The following PITPNM2 variants were observed in gnomAD, a reference collection of about 807,000 sequenced individuals.
The protein encoded by PITPNM2 is phosphatidylinositol transfer protein membrane associated 2.
Under a neutral mutation model 132.2 loss-of-function variants are expected in PITPNM2, and 35 were observed. The ratio of observed to expected loss-of-function variants is 0.26; its 90% CI spans 0.20 to 0.35. The LOEUF (loss-of-function observed/expected upper bound fraction) is 0.35. PITPNM2 is among the 10% of genes least tolerant of loss of function. The probability of loss-of-function intolerance (pLI) is 1.00; values close to 1 mark genes in which losing one functional copy is unlikely to be tolerated. For missense variants in PITPNM2, 1,332 were observed against 1,912.0 expected, an observed-to-expected ratio of 0.70 and a Z score of 5.66; for synonymous variants, 738 against 799.2, an observed-to-expected ratio of 0.92 and a Z score of 1.29.
At chr12:123,040,281 G>A (rs1183192632) in intron 2 of PITPNM2, among the ~76,000 whole-genome samples, 1 of 152,180 alleles carries the variant, frequency 6.6e-6, no homozygotes, top group African/African-American at 2.4e-5. Flanking sequence ...CTATTTGGGT[G>A]ATAAAAAAGC....
Position 122,987,881 on chromosome 12 carries a change from C to T in PITPNM2, c.3018G>A (p.Arg1006=). 2 of 1,612,906 alleles carry T rather than the reference C, an allele frequency of 1.2e-6. No individual in the cohort carries two copies. The highest frequency in any genetic ancestry group is 8.5e-7 in the Non-Finnish European group (1 of 1,179,430). ...VKLRNVTANH[R]INDALANEDG... Reference sequence around the variant, plus strand: ...CCTCATTGGCAAGGGCATCATTGATCCGGTGGTTGGCCGTCACGTTCTGTG... The same window carrying T: ...CCTCATTGGCAAGGGCATCATTGATTCGGTGGTTGGCCGTCACGTTCTGTG... The change falls in exon 21 of 26, where the codon CGG becomes CGA. Residue 1006 remains arginine, a synonymous_variant. Coordinates refer to ENST00000320201, the MANE Select transcript of PITPNM2 (RefSeq NM_020845.3).
In PITPNM2 at chr12:122,984,670, C is replaced by A. The variant is rs757659355; in HGVS notation, c.*1357G>T. 1 of 152,248 alleles carries A rather than the reference C, an allele frequency of 6.6e-6. No individual in the cohort carries two copies. Among genetic ancestry groups the A allele is most frequent in the Non-Finnish European group, 1.5e-5 (1 of 68,058 alleles). The allele number at this position is 152,248 out of a possible 1,614,324, so 9.4% of individuals were successfully genotyped here. ...GTGCACCTCCCCAGCCCGGTCCATGCGTCCCAACACCAGACCCAGGTCGGC... is the reference window on the plus strand; with the variant it reads ...GTGCACCTCCCCAGCCCGGTCCATGAGTCCCAACACCAGACCCAGGTCGGC... On this transcript the variant is annotated 3_prime_UTR_variant, in exon 26 of 26. Transcript: ENST00000320201.
At chr12:123,094,002 G>A (rs1169996422) in intron 2 of PITPNM2, among the ~76,000 whole-genome samples, 7 of 152,208 alleles carry the variant, frequency 4.6e-5, no homozygotes, top group South Asian at 2.1e-4. Context: ...GGCTGGGCTC[G>A]GAGGCTGCGG....
Position 123,000,243 on chromosome 12 carries a change from G to A in PITPNM2, c.1224+535C>T, listed in dbSNP as rs1056929127. On this transcript the variant is annotated intron_variant, in intron 10 of 25. Transcript: ENST00000320201. The surrounding 1 kb of genome is among the most constrained non-coding windows in gnomAD (Gnocchi z 5.4). Reference sequence around the variant, plus strand: ...CCAGTGCAAACAGCTCTGACGGCCCGCAGGTGGAGGAGGATGGGGCATGAA... The same window carrying A: ...CCAGTGCAAACAGCTCTGACGGCCCACAGGTGGAGGAGGATGGGGCATGAA... 28 of 602,870 alleles carry A rather than the reference G, an allele frequency of 4.6e-5. No homozygotes were observed. Among genetic ancestry groups the A allele is most frequent in the Non-Finnish European group, 7.7e-5 (26 of 338,876 alleles). 37.3% of individuals were successfully genotyped at this position (602,870 alleles called of 1,614,324 possible).
chr12:123,012,774 G>C, intron 4 of PITPNM2, 40 bp from the exon 5 acceptor site: 1 of 1,608,144 alleles, frequency 6.2e-7, no homozygotes, highest in Non-Finnish European at 8.5e-7. Flanking sequence ...CCTGTCCTTG[G>C]AGAGGCCCAG....
At chr12:122,996,012 C>A (rs919669391) in intron 13 of PITPNM2, among the ~76,000 whole-genome samples, 2 of 152,238 alleles carry the variant, frequency 1.3e-5, no homozygotes, top group African/African-American at 4.8e-5. Context: ...AGCAGCTGCT[C>A]CCCTGCCCCC....
At chr12:123,145,740 C>T (rs1223732817) in intron 1 of PITPNM2, among the ~76,000 whole-genome samples, 4 of 152,170 alleles carry the variant, frequency 2.6e-5, no homozygotes, top group South Asian at 2.1e-4. Context: ...GCCACAATGG[C>T]TCACACCTCA....
At chr12:123,047,291 AC>A (rs1233812935) in intron 2 of PITPNM2, among the ~76,000 whole-genome samples, 2 of 152,192 alleles carry the variant, frequency 1.3e-5, no homozygotes, top group Middle Eastern at 3.2e-3. Context: ...GGAAGTACAA[AC>A]CTTCTGGCTG....
chr12:123,019,638 C>G (rs1395084155), intron 3 of PITPNM2, among the ~76,000 whole-genome samples: 2 of 152,208 alleles, frequency 1.3e-5, no homozygotes, highest in African/African-American at 2.4e-5. Context: ...ATAGTTAAAG[C>G]TGAAATAACC....
intron 1 of PITPNM2, among the ~76,000 whole-genome samples, chr12:123,138,257 G>A (rs762400910): frequency 6.6e-6 from 1 of 151,876 alleles, no homozygotes; most frequent in African/African-American, 2.4e-5. Context: ...GACCAGCCTG[G>A]GCAACATGGC....
At chr12:123,070,821 C>T (rs1035809595) in intron 2 of PITPNM2, among the ~76,000 whole-genome samples, 10 of 152,236 alleles carry the variant, frequency 6.6e-5, no homozygotes, top group Non-Finnish European at 1.3e-4. Flanking sequence ...AAGGGCCCCA[C>T]ATCAACATGC....
intron 3 of PITPNM2, among the ~76,000 whole-genome samples, chr12:123,018,293 C>CTTTTTTT (rs3085478): frequency 2.5e-4 from 31 of 126,324 alleles, no homozygotes; most frequent in African/African-American, 9.0e-4. Context: ...TTTTTCTTTT[C>CTTTTTTT]TTTTTTTTTT....
Position 122,986,090 on chromosome 12 carries a change from G to T in PITPNM2, c.3987C>A (p.Ala1329=). ...CAGTCATGGCGCGGCCCCAGCAGCC[G>T]GCCGCCACACTCATGCTGCGCTGGC... ...QRGQRSMSVA[A]GCWGRAMTGR... The change falls in exon 26 of 26, where the codon GCC becomes GCA. Residue 1329 remains alanine (A), a synonymous_variant. Coordinates refer to ENST00000320201, the MANE Select transcript of PITPNM2 (RefSeq NM_020845.3). The T allele has an allele frequency of 6.9e-7, 1 of 1,443,208 alleles. No homozygotes were observed. Among genetic ancestry groups the T allele is most frequent in the East Asian group, 2.9e-5 (1 of 34,608 alleles). 89.4% of individuals were successfully genotyped at this position (1,443,208 alleles called of 1,614,324 possible).
At position 123,000,901 on chromosome 12, in the gene PITPNM2, G is replaced by A. The variant is rs368701607; in HGVS notation, c.1154-53C>T. The stretch of plus-strand genomic sequence containing the variant: ...AGCTGAGGGGCAGCCCAACCTGGCC[G>A]ACCGGACAGAGGCTGCAACTGTGAC... On this transcript the variant is annotated intron_variant, in intron 9 of 25. Coordinates refer to ENST00000320201, the MANE Select transcript of PITPNM2 (RefSeq NM_020845.3). This position sits in a 1 kb window ranked among gnomAD's most constrained non-coding sequence, Gnocchi z 5.4. 81 of 1,601,572 alleles carry A rather than the reference G, an allele frequency of 5.1e-5. No homozygotes were observed. The highest frequency in any genetic ancestry group is 6.2e-5 in the Non-Finnish European group (73 of 1,169,336).
chr12:122,997,361 G>A lies in PITPNM2; in HGVS notation c.1436C>T (p.Pro479Leu), dbSNP rs763077628. 12 of 1,613,216 alleles carry A rather than the reference G, an allele frequency of 7.4e-6. No homozygotes were observed. Among genetic ancestry groups the A allele is most frequent in the Admixed American group, 5.0e-5 (3 of 59,994 alleles). ...GRLAIRLVPCPPVCSDAFALV... is the reference protein window; with the variant it reads ...GRLAIRLVPCLPVCSDAFALV... ...GGCAAAGGCGTCAGAGCAGACGGGC[G>A]GGCAGGGCACCAGGCGGATGGCAAG... The change falls in exon 11 of 26, where the codon CCG (proline) becomes CTG (leucine). Residue 479 changes from proline to leucine, a missense_variant. Physicochemically the swap from Pro to Leu is moderately conservative, Grantham distance 98. Coordinates refer to ENST00000320201, the MANE Select transcript of PITPNM2 (RefSeq NM_020845.3).
intron 21 of PITPNM2, 30 bp from the exon 22 acceptor site, chr12:122,987,689 C>T (rs1025909145): frequency 2.5e-6 from 4 of 1,610,856 alleles, no homozygotes; most frequent in South Asian, 2.2e-5. Context: ...CACGGGCTGG[C>T]TGTGTCTGGC....
chr12:123,047,925 C>A (rs981528278), intron 2 of PITPNM2, among the ~76,000 whole-genome samples: 4 of 152,038 alleles, frequency 2.6e-5, no homozygotes, highest in African/African-American at 9.7e-5. Flanking sequence ...ATGGTGAAAC[C>A]CCGTATCTAC....
chr12:123,098,037 G>C (rs2042456674), intron 2 of PITPNM2, among the ~76,000 whole-genome samples: 1 of 152,222 alleles, frequency 6.6e-6, no homozygotes, highest in Non-Finnish European at 1.5e-5. Flanking sequence ...AATCAGAGCA[G>C]ACAGTCCAGA....
chr12:123,108,367 C>T lies in PITPNM2; in HGVS notation c.-96+2018G>A, dbSNP rs1378998281. 6.6e-6 allele frequency among the ~76,000 whole-genome samples: 1 copy of T among 152,176 alleles called. No homozygotes were observed. Among genetic ancestry groups the T allele is most frequent in the Admixed American group, 6.5e-5 (1 of 15,282 alleles). ...TGTTAAGAAGGAATAGAACCTCCTT[C>T]CTGTAAGAAAGGAGACAGGAGACCA... On this transcript the variant is annotated intron_variant, in intron 2 of 25. Transcript: ENST00000320201. The surrounding 1 kb of genome is among the most constrained non-coding windows in gnomAD (Gnocchi z 4.4).
Sources: gnomAD v4.1 joint callset for allele counts (sites outside exome capture counted in the v4.1 genomes callset) on GRCh38, gnomAD v4.1.1 for gene constraint, Gnocchi (gnomAD v3.1) non-coding constraint, MANE v1.5 for transcripts, NCBI Gene and HGNC (gene_info 2026-07-23, HGNC 2026-07-21) for gene names.